The following GNG2 variants were observed in gnomAD, a reference collection of about 807,000 sequenced individuals.
The protein encoded by GNG2 is G protein subunit gamma 2, also known as guanine nucleotide-binding protein G(I)/G(S)/G(O) subunit gamma-2.
Under a neutral mutation model 5.5 loss-of-function variants are expected in GNG2, and 5 were observed. The observed-to-expected ratio is 0.91, with a 90% CI of 0.48 to 1.92. The LOEUF (loss-of-function observed/expected upper bound fraction) is 1.92. Among genes scored for constraint, GNG2 ranks in the 30% most tolerant of loss-of-function variants. GNG2 has a pLI of 0.01. For missense variants in GNG2, 55 were observed against 88.4 expected, an observed-to-expected ratio of 0.62 and a Z score of 1.52; for synonymous variants, 28 against 32.0, an observed-to-expected ratio of 0.88 and a Z score of 0.42.
At chr14:51,871,876 A>G in intron 1 of GNG2, among the ~76,000 whole-genome samples, 1 of 152,240 alleles carries the variant, frequency 6.6e-6, no homozygotes, top group South Asian at 2.1e-4. Flanking sequence ...CTTAGCCATC[A>G]ATATCTCCAG....
At chr14:51,936,078 A>T (rs192793258) in intron 2 of GNG2, among the ~76,000 whole-genome samples, 1 of 152,252 alleles carries the variant, frequency 6.6e-6, no homozygotes, top group East Asian at 1.9e-4. Context: ...GTCTCCAGGG[A>T]CCGCCAGAAC....
At chr14:51,942,589 C>CTTTTT (rs56883654) in intron 2 of GNG2, among the ~76,000 whole-genome samples, 6,727 of 81,176 alleles carry the variant, frequency 0.083, 779 homozygotes, top group East Asian at 0.26. Context: ...TTCTTTCTTT[C>CTTTTT]TTTTTTTTTT....
At chr14:51,843,602 T>C (rs7154755) in intron 2 of GNG2, among the ~76,000 whole-genome samples, 2 of 151,930 alleles carry the variant, frequency 1.3e-5, no homozygotes, top group Non-Finnish European at 2.9e-5. Flanking sequence ...CTCAAATATT[T>C]TGAGTGTGTC....
At position 51,957,603 on chromosome 14, in the gene GNG2, T is replaced by C. The variant is rs76483248; in HGVS notation, c.87+6838T>C. Reference sequence around the variant, plus strand: ...GTAAGGACATTCTTCTACATACTCATAATACAATCATCAGAATCAGGAAAT... The same window carrying C: ...GTAAGGACATTCTTCTACATACTCACAATACAATCATCAGAATCAGGAAAT... On this transcript the variant is annotated intron_variant, in intron 3 of 3. Transcript: ENST00000556766. Among the ~76,000 whole-genome samples, 769 of 152,336 alleles carry C rather than the reference T, an allele frequency of 5.0e-3. 9 individuals carry two copies. Among genetic ancestry groups the C allele is most frequent in the South Asian group, 0.048 (234 of 4,832 alleles).
At chr14:51,868,337 A>C (rs1012401040) in intron 1 of GNG2, among the ~76,000 whole-genome samples, 2 of 152,206 alleles carry the variant, frequency 1.3e-5, no homozygotes, top group African/African-American at 4.8e-5. Flanking sequence ...TGAAAAAAAT[A>C]TCATGTCCCA....
intron 2 of GNG2, among the ~76,000 whole-genome samples, chr14:51,920,017 C>T (rs1255707976): frequency 6.6e-6 from 1 of 152,158 alleles, no homozygotes; most frequent in East Asian, 1.9e-4. Context: ...TAGGAACCCC[C>T]TTGGAGACCA....
At chr14:51,912,503 G>A (rs1886355574) in intron 2 of GNG2, among the ~76,000 whole-genome samples, 1 of 152,278 alleles carries the variant, frequency 6.6e-6, no homozygotes, top group East Asian at 1.9e-4. Flanking sequence ...AGGTTGAGCA[G>A]AGGTCTTTCC....
intron 1 of GNG2, among the ~76,000 whole-genome samples, chr14:51,868,133 TAATC>T (rs1475951084): frequency 6.6e-6 from 1 of 152,198 alleles, no homozygotes; most frequent in Admixed American, 6.5e-5. Context: ...ACAATAGAAT[TAATC>T]GATGTGTTCA....
intron 2 of GNG2, among the ~76,000 whole-genome samples, chr14:51,837,001 G>T (rs1193682821): frequency 6.6e-6 from 1 of 151,702 alleles, no homozygotes; most frequent in Non-Finnish European, 1.5e-5. Context: ...AGGATTATAG[G>T]CACCTGCCAC....
chr14:51,916,272 T>C, intron 2 of GNG2: 4 of 279,704 alleles, frequency 1.4e-5, no homozygotes, highest in South Asian at 1.2e-4. Context: ...TCTATTATTA[T>C]TTCAGCTAGA....
chr14:51,958,586 A>G (rs892906023), intron 3 of GNG2, among the ~76,000 whole-genome samples: 1 of 152,064 alleles, frequency 6.6e-6, no homozygotes, highest in African/African-American at 2.4e-5. Flanking sequence ...CTTCACCTGC[A>G]GTGAGACACC....
intron 2 of GNG2, among the ~76,000 whole-genome samples, chr14:51,911,472 G>A (rs1470751075): frequency 6.6e-6 from 1 of 151,884 alleles, no homozygotes; most frequent in Non-Finnish European, 1.5e-5. Flanking sequence ...CTTACTGACT[G>A]GGAAATCTTG....
intron 2 of GNG2, among the ~76,000 whole-genome samples, chr14:51,897,649 T>C (rs1275776580): frequency 6.6e-6 from 1 of 152,208 alleles, no homozygotes; most frequent in Non-Finnish European, 1.5e-5. Flanking sequence ...AATGTTGCCT[T>C]CATTTCCTAG....
chr14:51,917,877 T>A (rs1886743704), intron 2 of GNG2, among the ~76,000 whole-genome samples: 1 of 151,790 alleles, frequency 6.6e-6, no homozygotes, highest in African/African-American at 2.4e-5. Context: ...AACACAAAAA[T>A]TAGCCGGGCA....
At chr14:51,828,049 G>A (rs148570682) in intron 2 of GNG2, among the ~76,000 whole-genome samples, 72 of 152,290 alleles carry the variant, frequency 4.7e-4, no homozygotes, top group African/African-American at 1.5e-3. Flanking sequence ...ATGGATTCTC[G>A]GGATGAGAGG....
At position 51,907,418 on chromosome 14, in the gene GNG2, G is replaced by A. The variant is rs76498996; in HGVS notation, c.-30+29761G>A. Among the ~76,000 whole-genome samples, 6 of 152,186 alleles carry A rather than the reference G, an allele frequency of 3.9e-5. No homozygotes were observed. In the East Asian group the frequency reaches 1.2e-3, roughly 29 times the overall value. On this transcript the variant is annotated intron_variant, in intron 2 of 3. Coordinates refer to ENST00000556766, the MANE Select transcript of GNG2 (RefSeq NM_053064.5). ...GGGTCTTAAGTAGAAGTATAACAAC[G>A]GTAATAGCAGAAGAATTTCTGCAGT...
intron 2 of GNG2, among the ~76,000 whole-genome samples, chr14:51,942,596 T>TCTTTTCTTTTCTTTC (rs375391064): frequency 7.3e-6 from 1 of 137,802 alleles, no homozygotes; most frequent in African/African-American, 2.8e-5. Context: ...TTTCTTTTTT[T>TCTTTTCTTTTCTTTC]TTTTTTTTTT....
intron 2 of GNG2, among the ~76,000 whole-genome samples, chr14:51,942,589 C>CTTTCTTTCTTTCT (rs761049973): frequency 0.28 from 22,508 of 81,070 alleles, 4,487 homozygotes; most frequent in Non-Finnish European, 0.35. Flanking sequence ...TTCTTTCTTT[C>CTTTCTTTCTTTCT]TTTTTTTTTT....
chr14:51,940,622 A>G (rs1618825), intron 2 of GNG2, among the ~76,000 whole-genome samples: 70,515 of 151,736 alleles, frequency 0.46, 17,479 homozygotes, highest in Non-Finnish European at 0.57. Flanking sequence ...GGAAAGAGTG[A>G]CTGAGTGTGC....
Sources: gnomAD v4.1 joint callset for allele counts (sites outside exome capture counted in the v4.1 genomes callset) on GRCh38, gnomAD v4.1.1 for gene constraint, MANE v1.5 for transcripts, NCBI Gene and HGNC (gene_info 2026-07-23, HGNC 2026-07-21) for gene names.